Variants in MRPL2 observed in about 807,000 individuals in gnomAD.
MRPL2 encodes mitochondrial ribosomal protein L2, also known as large ribosomal subunit protein uL2m.
Under a neutral mutation model 34.6 loss-of-function variants are expected in MRPL2, and 27 were observed. That is an observed-to-expected ratio of 0.78 (90% CI 0.58 to 1.08). The LOEUF (loss-of-function observed/expected upper bound fraction) is 1.08. MRPL2 is among the 50% of genes least tolerant of loss of function. The pLI, the probability that MRPL2 is intolerant of heterozygous loss-of-function variation, is 0.00. For synonymous variants in MRPL2, 155 were observed against 158.0 expected (o/e 0.98, Z 0.14); for missense variants, 414 against 419.3 (o/e 0.99, Z 0.11).
intron 1 of MRPL2, among the ~76,000 whole-genome samples, chr6:43,058,627 T>C (rs1764966905): frequency 1.3e-5 from 2 of 152,220 alleles, no homozygotes; most frequent in African/African-American, 2.4e-5. Context: ...TTCCCAGCAT[T>C]TCGGAGTAGG....
In MRPL2 at chr6:43,054,428, C is replaced by T. The variant is rs1245765635; in HGVS notation, c.764G>A (p.Arg255Gln). 6.2e-7 allele frequency: 1 copy of T among 1,614,208 alleles called. No individual in the cohort carries two copies. The highest frequency in any genetic ancestry group is 2.2e-5 in the East Asian group (1 of 44,890). ...GRVSNVDHNK[R>Q]VIGKAGRNRW... is the part of the protein sequence containing the mutation. ...GTTGCGACCTGCCTTGCCAATGACC[C>T]GTTTGTTATGATCAACGTTGGATAC... is the stretch of plus-strand genomic sequence containing the variant. Residue 255 changes from arginine to glutamine, a missense_variant, in exon 7 of 7, where the codon CGG (arginine) becomes CAG (glutamine). By Grantham distance (43) the Arg-to-Gln change is conservative. Coordinates refer to ENST00000388752, the MANE Select transcript of MRPL2 (RefSeq NM_015950.5).
At chr6:43,056,519 T>C in intron 2 of MRPL2, 74 bp from the exon 3 acceptor site, 1 of 1,573,506 alleles carries the variant, frequency 6.4e-7, no homozygotes, top group Non-Finnish European at 8.7e-7. Flanking sequence ...AACTGGCCCA[T>C]TCTCTGCCAG....
rs1333886760 is a variant in MRPL2 at position 43,056,209 on chromosome 6, A to C, written c.405-13T>G. On this transcript the variant is annotated splice_polypyrimidine_tract_variant and intron_variant, in intron 3 of 6. Transcript: ENST00000388752. ...TATGTCTGCTGACCTAATCAGGGTGAGGGACAGGTAAGCAGACCGTCTAGG... is the reference window on the plus strand; with the variant it reads ...TATGTCTGCTGACCTAATCAGGGTGCGGGACAGGTAAGCAGACCGTCTAGG... 5 of 1,612,854 alleles carry C rather than the reference A, an allele frequency of 3.1e-6. No individual in the cohort carries two copies. The highest frequency in any genetic ancestry group is 3.4e-6 in the Non-Finnish European group (4 of 1,178,966).
Position 43,054,242 on chromosome 6 carries a change from G to C in MRPL2, c.*32C>G, listed in dbSNP as rs762460672. ...AACCACAGTAACAGATTAAAACGGG[G>C]GGGGGGGGCATTTTATTAGAGTACA... On this transcript the variant is annotated 3_prime_UTR_variant, in exon 7 of 7. Transcript: ENST00000388752. 7.3e-6 allele frequency: 10 copies of C among 1,376,028 alleles called. No individual in the cohort carries two copies. In the East Asian group the frequency reaches 9.4e-5, roughly 13 times the overall value. The allele number at this position is 1,376,028 out of a possible 1,614,324, so 85.2% of individuals were successfully genotyped here.
upstream of MRPL2, chr6:43,059,725 C>G (rs1765034778): frequency 1.6e-6 from 2 of 1,259,030 alleles, no homozygotes; most frequent in Non-Finnish European, 2.0e-6. Context: ...AGGTTAAGGT[C>G]TCTGCCATCT....
Position 43,054,238 on chromosome 6 carries a change from CGGGGGG to C in MRPL2, c.*30_*35del. 1 of 982,242 alleles carries C rather than the reference CGGGGGG, an allele frequency of 1.0e-6. No individual in the cohort carries two copies. The highest frequency in any genetic ancestry group is 1.4e-6 in the Non-Finnish European group (1 of 704,346). The allele number at this position is 982,242 out of a possible 1,614,324, so 60.8% of individuals were successfully genotyped here. On this transcript the variant is annotated 3_prime_UTR_variant, in exon 7 of 7. Coordinates refer to ENST00000388752, the MANE Select transcript of MRPL2 (RefSeq NM_015950.5). ...ACAAAACCACAGTAACAGATTAAAACGGGGGGGGGGGGCATTTTATTAGAGTACAGG... is the reference window on the plus strand; with the variant it reads ...ACAAAACCACAGTAACAGATTAAAACGGGGGGCATTTTATTAGAGTACAGG...
At chr6:43,055,342 G>C (rs1012529637) in intron 6 of MRPL2, among the ~76,000 whole-genome samples, 3 of 151,922 alleles carry the variant, frequency 2.0e-5, no homozygotes, top group Admixed American at 2.0e-4. Context: ...CTGGGCGACA[G>C]AGCAAGACTC....
intron 2 of MRPL2, among the ~76,000 whole-genome samples, chr6:43,056,650 A>C (rs1163785166): frequency 6.6e-6 from 1 of 152,160 alleles, no homozygotes; most frequent in Non-Finnish European, 1.5e-5. Context: ...GATTATTGAA[A>C]TTGTATAAAA....
intron 1 of MRPL2, among the ~76,000 whole-genome samples, chr6:43,058,824 A>G (rs1030619562): frequency 3.9e-5 from 6 of 152,226 alleles, no homozygotes; most frequent in African/African-American, 4.8e-5. Context: ...TATCAGCAGT[A>G]ACTCATCCTT....
upstream of MRPL2, chr6:43,059,562 T>C: frequency 7.0e-7 from 1 of 1,423,484 alleles, no homozygotes; most frequent in Non-Finnish European, 9.1e-7. Context: ...AGCTCTAATG[T>C]CGCGTGACTA....
chr6:43,059,338 A>G lies in MRPL2; in HGVS notation c.44T>C (p.Leu15Pro), dbSNP rs760242973. 1.6e-5 allele frequency: 25 copies of G among 1,552,120 alleles called. No individual in the cohort carries two copies. The highest frequency in any genetic ancestry group is 2.1e-5 in the Non-Finnish European group (24 of 1,147,578). The part of the protein sequence containing the change: ...ALTRALRSLN[L>P]APPTVAAPAP... ...AGGGGCGGCGACGGTCGGGGGCGCC[A>G]GGTTCAGAGAGCGCAGAGCGCGGGT... is the stretch of plus-strand genomic sequence containing the variant. Residue 15 changes from leucine (L) to proline (P), a missense_variant, in exon 1 of 7, where the codon CTG (leucine) becomes CCG (proline). Transcript: ENST00000388752.
chr6:43,059,251 T>C, intron 1 of MRPL2, 35 bp downstream of exon 1: 1 of 1,551,122 alleles, frequency 6.4e-7, no homozygotes, highest in Non-Finnish European at 8.7e-7. Context: ...GCAGCCCGAA[T>C]GGAAGCAGCC....
Position 43,059,327 on chromosome 6 carries a change from T to G in MRPL2, c.55A>C (p.Thr19Pro). 1.3e-6 allele frequency: 2 copies of G among 1,551,750 alleles called. No individual in the cohort carries two copies. The highest frequency in any genetic ancestry group is 1.7e-6 in the Non-Finnish European group (2 of 1,147,378). The part of the protein sequence containing the change: ...ALRSLNLAPP[T>P]VAAPAPSLFP... Reference sequence around the variant, plus strand: ...AGACTCGGGGCAGGGGCGGCGACGGTCGGGGGCGCCAGGTTCAGAGAGCGC... The same window carrying G: ...AGACTCGGGGCAGGGGCGGCGACGGGCGGGGGCGCCAGGTTCAGAGAGCGC... The change falls in exon 1 of 7, where the codon ACC becomes CCC. Residue 19 changes from threonine to proline, a missense_variant. Physicochemically the swap from Thr to Pro is conservative, Grantham distance 38 (BLOSUM62 -1). Coordinates refer to ENST00000388752, the MANE Select transcript of MRPL2 (RefSeq NM_015950.5).
Position 43,059,135 on chromosome 6 carries a change from G to A in MRPL2, c.96+151C>T, listed in dbSNP as rs1330960282. Reference sequence around the variant, plus strand: ...GCCCTATGAGAAAGCAACACTTGTAGAGGAAAAAGCTGAGGCTAAGTGTGC... The same window carrying A: ...GCCCTATGAGAAAGCAACACTTGTAAAGGAAAAAGCTGAGGCTAAGTGTGC... On this transcript the variant is annotated intron_variant, in intron 1 of 6. Transcript: ENST00000388752. 3.9e-6 allele frequency: 6 copies of A among 1,545,504 alleles called. No homozygotes were observed. In the East Asian group the frequency reaches 1.5e-4, roughly 38 times the overall value.
In MRPL2 at chr6:43,055,541, A is replaced by G. The variant is rs748503818; in HGVS notation, c.705+4T>C. ...TGACCCCTCCCATCCATACCCATAC[A>G]CACCTGCATCTGCCTCTTAGAGGGC... On this transcript the variant is annotated splice_donor_region_variant and intron_variant, in intron 6 of 6. Coordinates refer to ENST00000388752, the MANE Select transcript of MRPL2 (RefSeq NM_015950.5). 3 of 1,613,736 alleles carry G rather than the reference A, an allele frequency of 1.9e-6. No homozygotes were observed. The highest frequency in any genetic ancestry group is 1.7e-6 in the Non-Finnish European group (2 of 1,179,920).
upstream of MRPL2, chr6:43,059,520 T>C: frequency 7.0e-7 from 1 of 1,432,478 alleles, no homozygotes; most frequent in Non-Finnish European, 9.1e-7. Context: ...CCTCCTTTCC[T>C]ACCTGAACGC....
intron 3 of MRPL2, 26 bp from the exon 4 acceptor site, chr6:43,056,222 C>T: frequency 6.2e-7 from 1 of 1,612,582 alleles, no homozygotes; most frequent in Non-Finnish European, 8.5e-7. Context: ...GACAGGTAAG[C>T]AGACCGTCTA....
intron 4 of MRPL2, 31 bp from the exon 5 acceptor site, chr6:43,056,038 C>T (rs1764868251): frequency 6.2e-7 from 1 of 1,614,186 alleles, no homozygotes; most frequent in South Asian, 1.1e-5. Context: ...AGCTCTAGAA[C>T]TTTTGCTGCC....
rs369642680 is a variant in MRPL2, at chr6:43,056,373, C to A, written c.338G>T (p.Arg113Leu). ...RYRMIDFLRFRPEETKSGPFE... is the reference protein window; with the variant it reads ...RYRMIDFLRFLPEETKSGPFE... ...GGGTCCTGACTTGGTCTCCTCAGGC[C>A]GGAAACGCAGAAAGTCAATCATTCG... The change falls in exon 3 of 7, where the codon CGG becomes CTG. Residue 113 changes from arginine (R) to leucine (L), a missense_variant. Transcript: ENST00000388752. 1.9e-6 allele frequency: 3 copies of A among 1,614,022 alleles called. No individual in the cohort carries two copies. The highest frequency in any genetic ancestry group is 2.5e-6 in the Non-Finnish European group (3 of 1,180,030).
Sources: allele counts gnomAD v4.1 joint callset (sites outside exome capture counted in the v4.1 genomes callset), GRCh38; gene constraint gnomAD v4.1.1; transcripts MANE v1.5; gene names NCBI Gene and HGNC (gene_info 2026-07-23, HGNC 2026-07-21).